The following ERBB4 variants were observed in gnomAD, a reference collection of about 807,000 sequenced individuals.
ERBB4 encodes receptor tyrosine-protein kinase erbB-4.
In ERBB4, 42 loss-of-function variants were observed where a neutral mutation model predicts 158.0. The observed-to-expected ratio is 0.27, with a 90% CI of 0.21 to 0.34. The LOEUF (loss-of-function observed/expected upper bound fraction) is 0.34. Among genes scored for constraint, ERBB4 ranks in the 10% least tolerant of loss-of-function variants. ERBB4 has a pLI of 1.00. For missense variants in ERBB4, 1,333 were observed against 1,624.1 expected, an observed-to-expected ratio of 0.82 and a Z score of 3.08; for synonymous variants, 583 against 558.7, an observed-to-expected ratio of 1.04 and a Z score of -0.61.
intron 1 of ERBB4, among the ~76,000 whole-genome samples, chr2:212,211,733 C>T (rs939047886): frequency 2.4e-4 from 36 of 151,944 alleles, no homozygotes; most frequent in African/African-American, 8.5e-4. Flanking sequence ...CCCCTCCCCA[C>T]TCATACCCCA....
At chr2:211,601,891 T>TG (rs773890495) in intron 19 of ERBB4, among the ~76,000 whole-genome samples, 20 of 152,018 alleles carry the variant, frequency 1.3e-4, no homozygotes, top group Non-Finnish European at 1.9e-4. Context: ...AAGAAAGTAT[T>TG]GGGGGTCATA....
chr2:212,209,115 C>A (rs957415997), intron 1 of ERBB4, among the ~76,000 whole-genome samples: 2 of 152,090 alleles, frequency 1.3e-5, no homozygotes, highest in Admixed American at 1.3e-4. Context: ...CTCATAATTT[C>A]TTCACATGCA....
At chr2:211,889,648 A>T (rs2106179796) in intron 3 of ERBB4, among the ~76,000 whole-genome samples, 1 of 146,018 alleles carries the variant, frequency 6.8e-6, no homozygotes, top group Non-Finnish European at 1.5e-5. Context: ...AAAGAAGTTG[A>T]AAACTTTGAA....
chr2:212,185,621 C>A (rs1351985162), intron 1 of ERBB4, among the ~76,000 whole-genome samples: 1 of 151,870 alleles, frequency 6.6e-6, no homozygotes, highest in Non-Finnish European at 1.5e-5. Context: ...TAAGTAGGGT[C>A]CACATTATAA....
intron 4 of ERBB4, chr2:211,777,476 T>C (rs1156870379): frequency 1.3e-5 from 2 of 152,204 alleles, no homozygotes; most frequent in Non-Finnish European, 2.9e-5. Context: ...TTTCTATCAC[T>C]CAACCTGAGT....
intron 1 of ERBB4, among the ~76,000 whole-genome samples, chr2:212,201,263 A>G (rs1388900277): frequency 1.3e-5 from 2 of 152,176 alleles, no homozygotes; most frequent in Non-Finnish European, 2.9e-5. Context: ...TACCTTTAAA[A>G]ACACATAAAA....
At chr2:211,883,811 A>G (rs58975598) in intron 3 of ERBB4, among the ~76,000 whole-genome samples, 21,531 of 152,076 alleles carry the variant, frequency 0.14, 1,886 homozygotes, top group African/African-American at 0.24. Flanking sequence ...AAATAAAATA[A>G]AATACGTTAC....
At chr2:212,424,905 G>A (rs2091873628) in intron 1 of ERBB4, among the ~76,000 whole-genome samples, 1 of 151,930 alleles carries the variant, frequency 6.6e-6, no homozygotes. Flanking sequence ...ATTAATTGTG[G>A]TCTTCTACTG....
At chr2:212,174,185 CTG>C (rs994893893) in intron 1 of ERBB4, among the ~76,000 whole-genome samples, 19 of 152,060 alleles carry the variant, frequency 1.2e-4, no homozygotes, top group African/African-American at 4.1e-4. Context: ...TATGATGTGA[CTG>C]TTTTAAAATC....
chr2:211,750,968 C>CGA (rs2075115008), intron 4 of ERBB4, among the ~76,000 whole-genome samples: 1 of 152,164 alleles, frequency 6.6e-6, no homozygotes, highest in African/African-American at 2.4e-5. Flanking sequence ...TGAATTTTCT[C>CGA]AGGAAATCAA....
intron 2 of ERBB4, among the ~76,000 whole-genome samples, chr2:212,063,876 A>G (rs369894133): frequency 5.9e-5 from 9 of 152,270 alleles, no homozygotes; most frequent in African/African-American, 1.9e-4. Flanking sequence ...TGGCCCTTGA[A>G]TGCCCTCCCT....
At chr2:212,530,607 C>T (rs899930219) in intron 1 of ERBB4, among the ~76,000 whole-genome samples, 3 of 152,156 alleles carry the variant, frequency 2.0e-5, no homozygotes, top group African/African-American at 7.2e-5. Context: ...GATATAGTCA[C>T]AGAGCCTGGA....
chr2:211,492,683 G>A (rs867513054), intron 20 of ERBB4, among the ~76,000 whole-genome samples: 23 of 152,188 alleles, frequency 1.5e-4, no homozygotes, highest in Middle Eastern at 6.8e-3. Context: ...AGACCTTTGA[G>A]TCCCCTCTCT....
At chr2:212,153,681 A>C (rs2080943238) in intron 1 of ERBB4, among the ~76,000 whole-genome samples, 1 of 152,134 alleles carries the variant, frequency 6.6e-6, no homozygotes, top group Non-Finnish European at 1.5e-5. Flanking sequence ...CTTTTGTGCT[A>C]ACCTAATATT....
chr2:211,629,589 G>A (rs1258424990), intron 17 of ERBB4, among the ~76,000 whole-genome samples: 2 of 152,118 alleles, frequency 1.3e-5, no homozygotes, highest in Non-Finnish European at 2.9e-5. Flanking sequence ...GCATTGCCAA[G>A]TCAATCCTAA....
intron 3 of ERBB4, among the ~76,000 whole-genome samples, chr2:211,837,745 C>T (rs774100053): frequency 2.6e-5 from 4 of 152,046 alleles, no homozygotes; most frequent in Non-Finnish European, 5.9e-5. Flanking sequence ...TAGAATAGGT[C>T]CTGTCATCTC....
chr2:212,161,026 G>A, intron 1 of ERBB4, among the ~76,000 whole-genome samples: 1 of 151,970 alleles, frequency 6.6e-6, no homozygotes, highest in Non-Finnish European at 1.5e-5. Flanking sequence ...TCACTGAAAA[G>A]TGATATGTTT....
intron 25 of ERBB4, among the ~76,000 whole-genome samples, chr2:211,403,424 A>C (rs2063084888): frequency 6.6e-6 from 1 of 152,094 alleles, no homozygotes; most frequent in Non-Finnish European, 1.5e-5. Flanking sequence ...TTGTGACTAT[A>C]ATCTACAGTC....
chr2:212,352,670 C>G (rs2089302245), intron 1 of ERBB4, among the ~76,000 whole-genome samples: 1 of 151,900 alleles, frequency 6.6e-6, no homozygotes, highest in Non-Finnish European at 1.5e-5. Context: ...GAGCTCGACA[C>G]CAACCTGACC....
Sources: gnomAD v4.1 joint callset for allele counts (sites outside exome capture counted in the v4.1 genomes callset) on GRCh38, gnomAD v4.1.1 for gene constraint, MANE v1.5 for transcripts, NCBI Gene and HGNC (gene_info 2026-07-23, HGNC 2026-07-21) for gene names.